Variants in TNRC6C observed in about 807,000 individuals in gnomAD.
TNRC6C encodes the protein trinucleotide repeat containing adaptor 6C.
TNRC6C carries 20 observed loss-of-function variants against 153.7 expected under a neutral mutation model. The ratio of observed to expected loss-of-function variants is 0.13; its 90% CI spans 0.09 to 0.19. TNRC6C has a LOEUF of 0.19. Among genes scored for constraint, TNRC6C ranks in the 10% least tolerant of loss-of-function variants. The pLI, the probability that TNRC6C is intolerant of heterozygous loss-of-function variation, is 1.00. For synonymous variants in TNRC6C, 811 were observed against 841.4 expected (o/e 0.96, Z 0.63); for missense variants, 1,987 against 2,172.0 (o/e 0.91, Z 1.69).
chr17:78,086,314 A>G (rs2073282555), intron 11 of TNRC6C, among the ~76,000 whole-genome samples, 189 bp from the exon 14 acceptor site: 1 of 130,084 alleles, frequency 7.7e-6, no homozygotes, highest in African/African-American at 3.0e-5. Context: ...TGGATGACAG[A>G]GCGAGACTCC....
intron 1 of TNRC6C, among the ~76,000 whole-genome samples, chr17:77,980,238 T>C (rs544323177): frequency 5.9e-5 from 9 of 152,358 alleles, no homozygotes; most frequent in Admixed American, 3.9e-4. Context: ...CGTTTACCTG[T>C]GTAACCTGCA....
intron 18 of TNRC6C, 144 bp from the exon 22 acceptor site, chr17:78,103,270 T>G: frequency 1.0e-6 from 1 of 993,480 alleles, no homozygotes; most frequent in Non-Finnish European, 1.4e-6. Context: ...ACGTTAATGT[T>G]GTAAAACCAC....
intron 1 of TNRC6C, among the ~76,000 whole-genome samples, chr17:77,997,224 G>A (rs1478678485): frequency 6.6e-6 from 1 of 152,086 alleles, no homozygotes; most frequent in African/African-American, 2.4e-5. Context: ...AGTGAGTCTC[G>A]AGAATTAAAT....
At chr17:78,017,211 TA>T (rs2071744382) in intron 1 of TNRC6C, among the ~76,000 whole-genome samples, 1 of 152,204 alleles carries the variant, frequency 6.6e-6, no homozygotes, top group Non-Finnish European at 1.5e-5. Flanking sequence ...TATGCCTTTT[TA>T]AAAATGTCTT....
At chr17:78,093,652 C>A in exon 16 of TNRC6C, 1 of 1,613,980 alleles carries the variant, frequency 6.2e-7, no homozygotes, top group Non-Finnish European at 8.5e-7. Flanking sequence ...GAAAGGACTG[C>A]AGAATATTGA....
chr17:78,045,673 G>C (rs1190763954), intron 2 of TNRC6C, among the ~76,000 whole-genome samples: 1 of 152,146 alleles, frequency 6.6e-6, no homozygotes, highest in Non-Finnish European at 1.5e-5. Context: ...ATTTTGAATG[G>C]AAAACTAAAA....
exon 20 of TNRC6C, chr17:78,108,564 TGGA>T (rs2073751817): frequency 6.5e-6 from 1 of 155,028 alleles, no homozygotes; most frequent in Non-Finnish European, 1.5e-5. Flanking sequence ...GCAGGCTTCA[TGGA>T]GGAGGTGGCA....
At chr17:78,091,695 T>G in intron 14 of TNRC6C, 88 bp downstream of exon 16, 1 of 1,260,186 alleles carries the variant, frequency 7.9e-7, no homozygotes, top group Non-Finnish European at 1.0e-6. Flanking sequence ...TTCTATACTT[T>G]TCTAAGAATT....
intron 1 of TNRC6C, among the ~76,000 whole-genome samples, chr17:77,962,509 G>A (rs1486770700): frequency 2.0e-5 from 3 of 152,202 alleles, no homozygotes; most frequent in African/African-American, 7.2e-5. Flanking sequence ...AACTGAAGCT[G>A]GTGGAGAAGG....
chr17:77,990,169 G>A (rs1195860302), intron 1 of TNRC6C, among the ~76,000 whole-genome samples: 1 of 152,134 alleles, frequency 6.6e-6, no homozygotes, highest in Admixed American at 6.6e-5. Flanking sequence ...TTTGTCTTCT[G>A]AATGGTGTTC....
At chr17:78,022,458 A>G (rs1379069748) in intron 1 of TNRC6C, among the ~76,000 whole-genome samples, 1 of 152,220 alleles carries the variant, frequency 6.6e-6, no homozygotes, top group East Asian at 1.9e-4. Context: ...GAAGGTTTTG[A>G]AGAAAAACAA....
exon 3 of TNRC6C, chr17:78,050,459 C>G (rs769459177): frequency 1.9e-6 from 3 of 1,614,000 alleles, no homozygotes; most frequent in East Asian, 2.2e-5. Flanking sequence ...GAAGAATCCC[C>G]TAGGTCTGAA....
At chr17:77,979,399 AAAATT>A (rs1266312833) in intron 1 of TNRC6C, among the ~76,000 whole-genome samples, 1 of 152,352 alleles carries the variant, frequency 6.6e-6, no homozygotes. Flanking sequence ...GCATCAATTA[AAAATT>A]AAAAAGAACT....
intron 1 of TNRC6C, among the ~76,000 whole-genome samples, chr17:78,007,998 A>C (rs566570064): frequency 4.9e-4 from 75 of 152,340 alleles, no homozygotes; most frequent in African/African-American, 1.8e-3. Context: ...TTTTTAGAAT[A>C]TATGACATGC....
intron 1 of TNRC6C, among the ~76,000 whole-genome samples, chr17:77,971,971 A>G (rs2070943375): frequency 6.6e-6 from 1 of 152,160 alleles, no homozygotes; most frequent in African/African-American, 2.4e-5. Context: ...TTAGAAAAGG[A>G]GAAAGATCAC....
chr17:78,044,542 C>T (rs1306890071), intron 2 of TNRC6C, among the ~76,000 whole-genome samples: 2 of 152,178 alleles, frequency 1.3e-5, no homozygotes, highest in Non-Finnish European at 2.9e-5. Flanking sequence ...AGAAAGAAGT[C>T]GTTCATCTTG....
chr17:78,034,335 G>A (rs943263544), intron 2 of TNRC6C, among the ~76,000 whole-genome samples: 17 of 151,860 alleles, frequency 1.1e-4, no homozygotes, highest in Middle Eastern at 3.4e-3. Context: ...GTGATTCCAG[G>A]CGTGAGCCAC....
chr17:78,085,173 G>T (rs1020011226), intron 11 of TNRC6C, among the ~76,000 whole-genome samples: 2 of 152,176 alleles, frequency 1.3e-5, no homozygotes, highest in Non-Finnish European at 2.9e-5. Context: ...CATTGCTGCA[G>T]CCCTGACACA....
intron 3 of TNRC6C, among the ~76,000 whole-genome samples, chr17:78,055,103 C>T (rs1008852157): frequency 7.9e-5 from 12 of 152,208 alleles, no homozygotes; most frequent in South Asian, 2.1e-4. Context: ...TACGCTTAGG[C>T]CACACTACAT....
Sources: gnomAD v4.1 joint callset for allele counts (sites outside exome capture counted in the v4.1 genomes callset) on GRCh38, gnomAD v4.1.1 for gene constraint, MANE v1.5 for transcripts, NCBI Gene and HGNC (gene_info 2026-07-23, HGNC 2026-07-21) for gene names.